Variants in ROBO2 observed in about 807,000 individuals in gnomAD.
ROBO2 encodes the protein roundabout homolog 2.
In ROBO2, 53 loss-of-function variants were observed where a neutral mutation model predicts 160.8. The observed-to-expected ratio is 0.33, with a 90% CI of 0.26 to 0.41. The LOEUF is 0.41. ROBO2 is among the 10% of genes least tolerant of loss of function. The pLI is 1.00. For synonymous variants in ROBO2, 664 were observed against 611.7 expected, an observed-to-expected ratio of 1.09 and a Z score of -1.26; for missense variants, 1,577 against 1,722.4, an observed-to-expected ratio of 0.92 and a Z score of 1.49.
chr3:77,637,771 T>G (rs1007137791), intron 24 of ROBO2, among the ~76,000 whole-genome samples: 1 of 152,180 alleles, frequency 6.6e-6, no homozygotes, highest in Non-Finnish European at 1.5e-5. Context: ...ATTCAGAATA[T>G]GTGGAAGATA....
At chr3:77,351,219 G>A (rs752244612) in intron 2 of ROBO2, among the ~76,000 whole-genome samples, 6 of 151,656 alleles carry the variant, frequency 4.0e-5, no homozygotes, top group African/African-American at 9.7e-5. Context: ...GTCAGATCTC[G>A]AATAAATAAT....
At chr3:76,547,005 T>C (rs1425464820) in intron 2 of ROBO2, among the ~76,000 whole-genome samples, 2 of 151,940 alleles carry the variant, frequency 1.3e-5, no homozygotes, top group African/African-American at 4.8e-5. Flanking sequence ...AGAGCAAAAC[T>C]TAATTACTTA....
At position 77,093,736 on chromosome 3, in the gene ROBO2, T is replaced by C. The variant is rs547251188; in HGVS notation, c.62-4278T>C. On this transcript the variant is annotated intron_variant, in intron 1 of 25. Coordinates refer to ENST00000461745, the Ensembl canonical transcript of ROBO2. ...GATTGTAAAGCTGTATTTTTGTATATCTATGTCTATCTTTCTAATCTATCT... is the reference window on the plus strand; with the variant it reads ...GATTGTAAAGCTGTATTTTTGTATACCTATGTCTATCTTTCTAATCTATCT... 1.8e-4 allele frequency among the ~76,000 whole-genome samples: 28 copies of C among 152,326 alleles called. No individual in the cohort carries two copies. The South Asian group carries it at 5.8e-3, about 32-fold the overall frequency.
At chr3:76,454,937 A>G (rs536990282) in intron 2 of ROBO2, among the ~76,000 whole-genome samples, 105 of 152,228 alleles carry the variant, frequency 6.9e-4, no homozygotes, top group African/African-American at 2.4e-3. Flanking sequence ...CTTATCCTCA[A>G]ACACCTACTT....
chr3:76,946,513 C>A (rs1413930598), intron 2 of ROBO2, among the ~76,000 whole-genome samples: 1 of 152,148 alleles, frequency 6.6e-6, no homozygotes, highest in African/African-American at 2.4e-5. Context: ...TCTCAGCTCA[C>A]TACAACCTCT....
At chr3:77,385,441 C>A (rs543006614) in intron 2 of ROBO2, among the ~76,000 whole-genome samples, 68 of 152,278 alleles carry the variant, frequency 4.5e-4, no homozygotes, top group African/African-American at 1.5e-3. Context: ...CATTTAAAAT[C>A]TTTTCAATAT....
At chr3:77,388,888 TGTAAA>T (rs1274613584) in intron 2 of ROBO2, among the ~76,000 whole-genome samples, 18 of 152,248 alleles carry the variant, frequency 1.2e-4, no homozygotes, top group African/African-American at 4.3e-4. Flanking sequence ...ATACATAGAA[TGTAAA>T]GTAAATTCAG....
chr3:77,056,767 A>G (rs908515930), intron 1 of ROBO2, among the ~76,000 whole-genome samples: 2 of 152,314 alleles, frequency 1.3e-5, no homozygotes, highest in South Asian at 4.1e-4. Context: ...GCTTGAATTG[A>G]GGCCATGTCG....
chr3:76,512,241 A>G (rs1056003118), intron 2 of ROBO2, among the ~76,000 whole-genome samples: 1 of 150,628 alleles, frequency 6.6e-6, no homozygotes, highest in African/African-American at 2.4e-5. Flanking sequence ...TTCCTTAAAT[A>G]TATATATATG....
chr3:76,084,603 A>G (rs568090370), intron 2 of ROBO2, among the ~76,000 whole-genome samples: 1 of 152,278 alleles, frequency 6.6e-6, no homozygotes, highest in Non-Finnish European at 1.5e-5. Context: ...GAATTTGGCT[A>G]CATATTAGGA....
At position 76,035,982 on chromosome 3, in the gene ROBO2, A is replaced by G. The variant is rs117667676; in HGVS notation, c.109+98380A>G. Among the ~76,000 whole-genome samples the G allele has an allele frequency of 8.5e-5, 13 of 152,078 alleles. No homozygotes were observed. The East Asian group carries it at 2.5e-3, about 29-fold the overall frequency. On this transcript the variant is annotated intron_variant, in intron 2 of 26. Coordinates refer to the ROBO2 transcript ENST00000487694. ...GCTTTCGAAGAATTACTTCCTTCAA[A>G]GTTATTTTCCTCTTTTTTTTAACTT...
intron 2 of ROBO2, among the ~76,000 whole-genome samples, chr3:76,575,566 A>G (rs1178958047): frequency 6.6e-6 from 1 of 152,084 alleles, no homozygotes; most frequent in East Asian, 1.9e-4. Context: ...AGGTAGAAGT[A>G]TGAGACAATA....
chr3:76,575,096 AATTAACT>A (rs1236991016), intron 2 of ROBO2, among the ~76,000 whole-genome samples: 1 of 152,108 alleles, frequency 6.6e-6, no homozygotes, highest in Non-Finnish European at 1.5e-5. Flanking sequence ...CATCCAAAAA[AATTAACT>A]ATTTTTTAAG....
chr3:76,434,753 C>T (rs1434635955), intron 2 of ROBO2: 55 of 1,168,744 alleles, frequency 4.7e-5, no homozygotes, highest in Middle Eastern at 1.9e-4. Flanking sequence ...CAGATGAGTC[C>T]GCTTCCTGCT....
intron 5 of ROBO2, among the ~76,000 whole-genome samples, chr3:77,497,941 A>C (rs1321879729): frequency 6.6e-6 from 1 of 152,172 alleles, no homozygotes; most frequent in Non-Finnish European, 1.5e-5. Flanking sequence ...AATAAATTGA[A>C]ATATGACAAC....
chr3:77,525,942 T>A (rs2091111322), intron 6 of ROBO2, among the ~76,000 whole-genome samples: 1 of 151,388 alleles, frequency 6.6e-6, no homozygotes, highest in Non-Finnish European at 1.5e-5. Context: ...TTTTGCAAAA[T>A]TAAGAGAAAC....
intron 1 of ROBO2, among the ~76,000 whole-genome samples, chr3:77,055,039 G>A (rs1327053767): frequency 1.3e-5 from 2 of 151,208 alleles, no homozygotes; most frequent in Admixed American, 1.3e-4. Context: ...TGGAATTATG[G>A]TGCAACAATA....
intron 2 of ROBO2, among the ~76,000 whole-genome samples, chr3:77,232,354 C>T (rs1180982090): frequency 6.6e-6 from 1 of 151,928 alleles, no homozygotes; most frequent in African/African-American, 2.4e-5. Context: ...CTTTTGGCCT[C>T]TCTTAGAGGC....
chr3:76,047,829 A>G (rs1220726527), intron 2 of ROBO2, among the ~76,000 whole-genome samples: 1 of 152,154 alleles, frequency 6.6e-6, no homozygotes, highest in Non-Finnish European at 1.5e-5. Flanking sequence ...AGATTACTAC[A>G]TTTTTATTAC....
Sources: gnomAD v4.1 joint callset for allele counts (sites outside exome capture counted in the v4.1 genomes callset) on GRCh38, gnomAD v4.1.1 for gene constraint, MANE v1.5 for transcripts, NCBI Gene and HGNC (gene_info 2026-07-23, HGNC 2026-07-21) for gene names.